The following SPTBN2 variants were observed in gnomAD, a reference collection of about 807,000 sequenced individuals.
The protein encoded by SPTBN2 is spectrin beta chain, non-erythrocytic 2.
In SPTBN2, 107 loss-of-function variants were observed where a neutral mutation model predicts 284.2. The ratio of observed to expected loss-of-function variants is 0.38; its 90% CI spans 0.32 to 0.44. SPTBN2 has a LOEUF of 0.44. Among genes scored for constraint, SPTBN2 ranks in the 20% least tolerant of loss-of-function variants. The pLI, the probability that SPTBN2 is intolerant of heterozygous loss-of-function variation, is 1.00. For missense variants in SPTBN2, 2,569 were observed against 3,287.1 expected (o/e 0.78, Z 5.34); for synonymous variants, 1,289 against 1,354.8 (o/e 0.95, Z 1.07).
Position 66,696,268 on chromosome 11 carries a change from A to T in SPTBN2, c.4278+9T>A. 1 of 1,610,220 alleles carries T rather than the reference A, an allele frequency of 6.2e-7. No individual in the cohort carries two copies. On this transcript the variant is annotated intron_variant, in intron 21 of 37. Transcript: ENST00000533211. ...TGTTCACCATCCCCATCAAAGGCCC[A>T]CAGCACACCTGCTGCTTCTTGAGCA...
At chr11:66,742,653 G>A (rs1157218840) in intron 1 of SPTBN2, among the ~76,000 whole-genome samples, 5 of 151,438 alleles carry the variant, frequency 3.3e-5, no homozygotes, top group African/African-American at 9.7e-5. Flanking sequence ...TCTGTCAGCC[G>A]GGCTAGAGTG....
Position 66,691,400 on chromosome 11 carries a change from C to A in SPTBN2, c.5449G>T (p.Val1817Leu), listed in dbSNP as rs1170685501. ...LHGARQALAR[V>L]QHKQQQLPDG... ...GGAAGCTGCTGCTGCTTGTGCTGCA[C>A]CCGCGCCAGGGCTTGGCGTGCCCCG... is the stretch of plus-strand genomic sequence containing the variant. The change falls in exon 27 of 38, where the codon GTG (valine) becomes TTG (leucine). Residue 1817 changes from valine to leucine, a missense_variant. Around this residue, in one of 6 missense-constraint regions of SPTBN2, gnomAD observed 1,130 missense variants for 1,317.3 expected, o/e 0.86. Coordinates refer to ENST00000533211, the MANE Select transcript of SPTBN2 (RefSeq NM_006946.4). The surrounding 1 kb of genome is among the most constrained non-coding windows in gnomAD (Gnocchi z 8.0). 1 of 1,609,288 alleles carries A rather than the reference C, an allele frequency of 6.2e-7. No individual in the cohort carries two copies. Among genetic ancestry groups the A allele is most frequent in the Admixed American group, 1.7e-5 (1 of 59,886 alleles).
At chr11:66,738,811 G>C (rs968179798) in intron 1 of SPTBN2, among the ~76,000 whole-genome samples, 5 of 150,616 alleles carry the variant, frequency 3.3e-5, no homozygotes, top group Non-Finnish European at 7.4e-5. Flanking sequence ...ACTGCGCTTG[G>C]CCATTATTAT....
chr11:66,694,882 T>C (rs375539536), intron 21 of SPTBN2, among the ~76,000 whole-genome samples: 2 of 152,304 alleles, frequency 1.3e-5, no homozygotes, highest in East Asian at 3.9e-4. Context: ...TGTGGGGCAT[T>C]CCACGGTTCC....
intron 10 of SPTBN2, among the ~76,000 whole-genome samples, chr11:66,709,942 C>T (rs2061744933): frequency 6.6e-6 from 1 of 152,190 alleles, no homozygotes; most frequent in South Asian, 2.1e-4. Flanking sequence ...AGGTCCAGTC[C>T]CCTCTATCCT....
intron 1 of SPTBN2, among the ~76,000 whole-genome samples, chr11:66,742,175 T>C (rs1942899767): frequency 6.6e-6 from 1 of 152,184 alleles, no homozygotes; most frequent in Admixed American, 6.5e-5. Flanking sequence ...AAAACAAAGA[T>C]AACATCTTTC....
chr11:66,686,603 G>A (rs1015017486), intron 36 of SPTBN2, 163 bp from the exon 37 acceptor site: 2 of 788,324 alleles, frequency 2.5e-6, no homozygotes, highest in East Asian at 2.6e-5. Flanking sequence ...TCCCCAGACT[G>A]TGCAGAAGCA....
chr11:66,689,981 A>G (rs767464367), intron 28 of SPTBN2, 38 bp from the exon 29 acceptor site: 27 of 1,612,770 alleles, frequency 1.7e-5, no homozygotes, highest in Non-Finnish European at 2.2e-5. Context: ...TGCTGCCCAC[A>G]GCCCCATCAC....
In SPTBN2 at chr11:66,691,551, A is replaced by G. The variant is rs1590917354; in HGVS notation, c.5298T>C (p.His1766=). ...ACTCGGCCACGGTGGCCCGTGCAGC[A>G]TGGCCCCCAGCAATGAGCCCATTGG... ...ALANGLIAGG[H]AARATVAEWK... The change falls in exon 27 of 38, where the codon CAT becomes CAC. Residue 1766 remains histidine (H), a synonymous_variant. Transcript: ENST00000533211. The surrounding 1 kb of genome is among the most constrained non-coding windows in gnomAD (Gnocchi z 8.0). 6.2e-7 allele frequency: 1 copy of G among 1,613,454 alleles called. No homozygotes were observed. The highest frequency in any genetic ancestry group is 8.5e-7 in the Non-Finnish European group (1 of 1,180,044).
At chr11:66,702,970 A>C (rs963961596) in intron 15 of SPTBN2, among the ~76,000 whole-genome samples, 1 of 151,458 alleles carries the variant, frequency 6.6e-6, no homozygotes, top group African/African-American at 2.4e-5. Flanking sequence ...ACCAAAAAAA[A>C]CTTTATTTAC....
chr11:66,721,229 C>T lies in SPTBN2; in HGVS notation c.12G>A (p.Thr4=), dbSNP rs554677179. MSS[T]LSPTDFDSLE... ...AGCTGTCAAAGTCTGTGGGTGACAGCGTGCTGCTCATGGTGGTAGGCGGCT... is the reference window on the plus strand; with the variant it reads ...AGCTGTCAAAGTCTGTGGGTGACAGTGTGCTGCTCATGGTGGTAGGCGGCT... Residue 4 remains threonine, a synonymous_variant, in exon 3 of 38, where the codon ACG becomes ACA. Transcript: ENST00000533211. 3.8e-5 allele frequency: 61 copies of T among 1,614,158 alleles called. No homozygotes were observed. The highest frequency in any genetic ancestry group is 3.0e-4 in the South Asian group (27 of 91,090).
rs3867133 is a variant in SPTBN2 at position 66,684,491 on chromosome 11, C to T, written c.*1380G>A. Reference sequence around the variant, plus strand: ...TCTACAAAAAACAAACAGACTTAGTCGGGTATGATGGCATGTGCCTGTGGT... The same window carrying T: ...TCTACAAAAAACAAACAGACTTAGTTGGGTATGATGGCATGTGCCTGTGGT... On this transcript the variant is annotated 3_prime_UTR_variant, in exon 38 of 38. Coordinates refer to ENST00000533211, the MANE Select transcript of SPTBN2 (RefSeq NM_006946.4). 0.11 allele frequency among the ~76,000 whole-genome samples: 17,132 copies of T among 151,976 alleles called. 1,252 individuals are homozygous for T. Among genetic ancestry groups the T allele is most frequent in the Non-Finnish European group, 0.16 (11,185 of 67,954 alleles).
chr11:66,690,368 T>A (rs1189004647), intron 27 of SPTBN2, 85 bp from the exon 28 acceptor site: 3 of 1,450,396 alleles, frequency 2.1e-6, no homozygotes, highest in Non-Finnish European at 2.7e-6. Flanking sequence ...CACTCTCACC[T>A]CCTGCCTGTC....
At position 66,685,801 on chromosome 11, in the gene SPTBN2, G is replaced by C; in HGVS notation, c.*70C>G. ...CAGGCAGTTGTCCTGACAAGAGGGC[G>C]GTCCCTGTCGACTGTCCCTGGCAGT... is the stretch of plus-strand genomic sequence containing the variant. On this transcript the variant is annotated 3_prime_UTR_variant, in exon 38 of 38. Coordinates refer to ENST00000533211, the MANE Select transcript of SPTBN2 (RefSeq NM_006946.4). This position sits in a 1 kb window ranked among gnomAD's most constrained non-coding sequence, Gnocchi z 4.4. 3 of 1,447,848 alleles carry C rather than the reference G, an allele frequency of 2.1e-6. No homozygotes were observed. Among genetic ancestry groups the C allele is most frequent in the Non-Finnish European group, 2.9e-6 (3 of 1,032,542 alleles). The allele number at this position is 1,447,848 out of a possible 1,614,324, so 89.7% of individuals were successfully genotyped here.
rs1191900613 is a variant in SPTBN2, at chr11:66,701,029, C to A, written c.3070G>T (p.Ala1024Ser). The A allele has an allele frequency of 1.2e-6, 2 of 1,608,864 alleles. No homozygotes were observed. Among genetic ancestry groups the A allele is most frequent in the South Asian group, 2.2e-5 (2 of 91,058 alleles). The change falls in exon 17 of 38, where the codon GCC becomes TCC. Residue 1024 changes from alanine (A) to serine (S), a missense_variant. Ala to Ser is a moderately conservative substitution (Grantham distance 99). Coordinates refer to ENST00000533211, the MANE Select transcript of SPTBN2 (RefSeq NM_006946.4). ...RVGELTREANALAAGHPAQAV... is the reference protein window; with the variant it reads ...RVGELTREANSLAAGHPAQAV... ...TGAGCGGGATGGCCGGCAGCCAGGG[C>A]ATTTGCCTCTCGAGTCAGTTCGCCC...
chr11:66,740,281 G>A (rs1264500154), intron 1 of SPTBN2, among the ~76,000 whole-genome samples: 2 of 152,120 alleles, frequency 1.3e-5, no homozygotes, highest in Admixed American at 6.6e-5. Context: ...GGTGAAGAAC[G>A]AAATACTCGA....
At chr11:66,695,902 A>G (rs1301236756) in intron 21 of SPTBN2, among the ~76,000 whole-genome samples, 7 of 151,818 alleles carry the variant, frequency 4.6e-5, no homozygotes, top group South Asian at 4.2e-4. Context: ...ACGCCTGGCT[A>G]ATTTTTGTAT....
Position 66,687,326 on chromosome 11 carries a change from C to G in SPTBN2, c.6722+101G>C, listed in dbSNP as rs893257352. ...GGCCCCGCTCTGGTCCCAAGTCCTA[C>G]CCTTTGCCCAGAAGATGTACTCTAA... is the stretch of plus-strand genomic sequence containing the variant. On this transcript the variant is annotated intron_variant, in intron 35 of 37. Coordinates refer to ENST00000533211, the MANE Select transcript of SPTBN2 (RefSeq NM_006946.4). The surrounding 1 kb of genome is among the most constrained non-coding windows in gnomAD (Gnocchi z 5.2). 1.9e-5 allele frequency: 30 copies of G among 1,558,084 alleles called. No individual in the cohort carries two copies. In the African/African-American group the frequency reaches 3.1e-4, roughly 16 times the overall value.
At chr11:66,733,975 A>G (rs1474425550), upstream of SPTBN2, among the ~76,000 whole-genome samples, 4 of 120,788 alleles carry the variant, frequency 3.3e-5, no homozygotes, top group African/African-American at 1.4e-4. Flanking sequence ...ACAGAGAGAG[A>G]CTCCGTCTCA....
Sources: allele counts gnomAD v4.1 joint callset (sites outside exome capture counted in the v4.1 genomes callset), GRCh38; gene constraint gnomAD v4.1.1; regional missense constraint gnomAD v4.1.1; non-coding constraint Gnocchi (gnomAD v3.1); transcripts MANE v1.5; gene names NCBI Gene and HGNC (gene_info 2026-07-23, HGNC 2026-07-21).